ZFPM2: variants seen among roughly 807,000 people sequenced by gnomAD.
ZFPM2 encodes the protein zinc finger protein, FOG family member 2, also known as zinc finger protein ZFPM2.
ZFPM2 carries 20 observed loss-of-function variants against 98.6 expected under a neutral mutation model. The observed-to-expected ratio is 0.20, with a 90% CI of 0.14 to 0.29. The LOEUF is 0.29. ZFPM2 is among the 10% of genes least tolerant of loss of function. ZFPM2 has a pLI of 1.00. For missense variants in ZFPM2, 1,310 were observed against 1,388.6 expected (o/e 0.94, Z 0.90); for synonymous variants, 518 against 502.7 (o/e 1.03, Z -0.41).
chr8:105,803,669 C>A lies in ZFPM2; in HGVS notation c.*131C>A. ...TAATTCATTATGGCTGAGTTGAAGA[C>A]TTAAGGTGTAATTTCATTACAGTCC... On this transcript the variant is annotated 3_prime_UTR_variant, in exon 8 of 8. Coordinates refer to ENST00000407775, the MANE Select transcript of ZFPM2 (RefSeq NM_012082.4). The A allele has an allele frequency of 1.1e-6, 1 of 890,220 alleles. No homozygotes were observed. Among genetic ancestry groups the A allele is most frequent in the Non-Finnish European group, 1.7e-6 (1 of 584,812 alleles). 55.1% of individuals were successfully genotyped at this position (890,220 alleles called of 1,614,324 possible).
chr8:105,696,930 T>C (rs1408208575), intron 5 of ZFPM2, among the ~76,000 whole-genome samples: 1 of 152,182 alleles, frequency 6.6e-6, no homozygotes, highest in African/African-American at 2.4e-5. Flanking sequence ...GGGGTATCGG[T>C]GACCCCTGAT....
intron 1 of ZFPM2, among the ~76,000 whole-genome samples, chr8:105,363,344 T>G (rs1307533682): frequency 2.0e-5 from 3 of 152,186 alleles, no homozygotes. Flanking sequence ...ACAAGATCAT[T>G]TGCTATGTGA....
intron 3 of ZFPM2, among the ~76,000 whole-genome samples, chr8:105,495,635 C>T (rs1221171012): frequency 6.6e-6 from 1 of 152,156 alleles, no homozygotes; most frequent in Non-Finnish European, 1.5e-5. Flanking sequence ...ATCTCTACTT[C>T]CTCTCAGTCT....
chr8:105,626,617 T>C (rs942871641), intron 4 of ZFPM2, among the ~76,000 whole-genome samples: 2 of 152,142 alleles, frequency 1.3e-5, no homozygotes, highest in African/African-American at 4.8e-5. Context: ...TGTGTGTGTA[T>C]GTGTATGTGT....
chr8:105,556,034 G>C (rs145000184), intron 3 of ZFPM2, among the ~76,000 whole-genome samples: 1 of 152,144 alleles, frequency 6.6e-6, no homozygotes, highest in South Asian at 2.1e-4. Flanking sequence ...AGGCAGATAT[G>C]TTCAATTTGG....
chr8:105,505,130 T>C (rs1427907303), intron 3 of ZFPM2, among the ~76,000 whole-genome samples: 2 of 152,114 alleles, frequency 1.3e-5, no homozygotes, highest in African/African-American at 4.8e-5. Flanking sequence ...TTACTTCAGT[T>C]CTCTGAGCCT....
intron 3 of ZFPM2, among the ~76,000 whole-genome samples, chr8:105,482,285 C>T (rs1346016095): frequency 6.6e-6 from 1 of 152,076 alleles, no homozygotes; most frequent in Non-Finnish European, 1.5e-5. Context: ...ATTCTGTTTA[C>T]TCTGATATAG....
intron 3 of ZFPM2, among the ~76,000 whole-genome samples, chr8:105,524,631 C>T (rs1361544139): frequency 1.3e-5 from 2 of 152,076 alleles, no homozygotes; most frequent in African/African-American, 2.4e-5. Flanking sequence ...GCCTTTGGTG[C>T]GGAACAGGAT....
At position 105,398,240 on chromosome 8, in the gene ZFPM2, TGTTA is replaced by T. The variant is rs529878464; in HGVS notation, c.41-20900_41-20897del. Among the ~76,000 whole-genome samples, 384 of 152,300 alleles carry T rather than the reference TGTTA, an allele frequency of 2.5e-3. 1 individual carries two copies. Among genetic ancestry groups the T allele is most frequent in the African/African-American group, 8.8e-3 (364 of 41,574 alleles). On this transcript the variant is annotated intron_variant, in intron 1 of 7. Coordinates refer to ENST00000407775, the MANE Select transcript of ZFPM2 (RefSeq NM_012082.4). ...AGAACTGACTACATAAGGATCATAT[TGTTA>T]GTTTTTCATTTAATATATATTGAAC...
At position 105,565,029 on chromosome 8, in the gene ZFPM2, G is replaced by A. The variant is rs1004239173; in HGVS notation, c.420+3548G>A. On this transcript the variant is annotated intron_variant, in intron 4 of 7. Coordinates refer to ENST00000407775, the MANE Select transcript of ZFPM2 (RefSeq NM_012082.4). Reference sequence around the variant, plus strand: ...GCGCACTCTCTTAAATTGCTTATTCGCCAACTGATGTAATGTTACTCTGCT... The same window carrying A: ...GCGCACTCTCTTAAATTGCTTATTCACCAACTGATGTAATGTTACTCTGCT... 3.3e-5 allele frequency among the ~76,000 whole-genome samples: 5 copies of A among 151,958 alleles called. 1 individual carries two copies. The highest frequency in any genetic ancestry group is 4.2e-4 in the South Asian group (2 of 4,796).
At chr8:105,563,184 T>G (rs1021787566) in intron 4 of ZFPM2, among the ~76,000 whole-genome samples, 2 of 152,198 alleles carry the variant, frequency 1.3e-5, no homozygotes, top group African/African-American at 4.8e-5. Flanking sequence ...ACATTCCTTT[T>G]TTGATTTATT....
chr8:105,741,578 G>A (rs1162460736), intron 5 of ZFPM2, among the ~76,000 whole-genome samples: 3 of 152,074 alleles, frequency 2.0e-5, no homozygotes, highest in Admixed American at 1.3e-4. Flanking sequence ...ATGGACACAG[G>A]CACATGTGTT....
intron 1 of ZFPM2, among the ~76,000 whole-genome samples, chr8:105,390,222 C>G (rs1468982203): frequency 6.6e-6 from 1 of 152,136 alleles, no homozygotes; most frequent in African/African-American, 2.4e-5. Flanking sequence ...GCACTTCTGA[C>G]TAACAGGCTA....
At chr8:105,795,246 T>TCTTTG (rs1554582313) in intron 6 of ZFPM2, among the ~76,000 whole-genome samples, 38 of 138,226 alleles carry the variant, frequency 2.7e-4, no homozygotes, top group Admixed American at 2.7e-3. Flanking sequence ...CATTTTATCT[T>TCTTTG]TGTGTGTGTG....
chr8:105,405,526 A>G (rs1811431778), intron 1 of ZFPM2, among the ~76,000 whole-genome samples: 1 of 148,496 alleles, frequency 6.7e-6, no homozygotes, highest in Admixed American at 7.0e-5. Context: ...GAGAACATGC[A>G]GTCTTTGGTT....
At chr8:105,412,530 G>C (rs1811597257) in intron 1 of ZFPM2, among the ~76,000 whole-genome samples, 1 of 151,452 alleles carries the variant, frequency 6.6e-6, no homozygotes, top group Non-Finnish European at 1.5e-5. Flanking sequence ...GCTACCTGCA[G>C]GCAACAAATG....
intron 2 of ZFPM2, among the ~76,000 whole-genome samples, chr8:105,424,700 A>G (rs1222677408): frequency 1.3e-5 from 2 of 152,248 alleles, no homozygotes; most frequent in East Asian, 3.8e-4. Context: ...CAGATACTTA[A>G]TAGGACTGGC....
chr8:105,661,718 C>T (rs575114169), intron 5 of ZFPM2, among the ~76,000 whole-genome samples: 1 of 151,658 alleles, frequency 6.6e-6, no homozygotes, highest in African/African-American at 2.4e-5. Flanking sequence ...AAAGTTGTGT[C>T]AACGGGAGAC....
At position 105,446,234 on chromosome 8, in the gene ZFPM2, A is replaced by G. The variant is rs1812367651; in HGVS notation, c.301+1853A>G. Among the ~76,000 whole-genome samples the G allele has an allele frequency of 2.6e-5, 4 of 152,240 alleles. No homozygotes were observed. In the South Asian group the frequency reaches 8.3e-4, roughly 32 times the overall value. ...CGTGCCCGGCGATAGTTCCTTATTC[A>G]TAGAATTAAGTATGTATATGTTAAT... On this transcript the variant is annotated intron_variant, in intron 3 of 7. Transcript: ENST00000407775.
Sources: allele counts gnomAD v4.1 joint callset (sites outside exome capture counted in the v4.1 genomes callset), GRCh38; gene constraint gnomAD v4.1.1; transcripts MANE v1.5; gene names NCBI Gene and HGNC (gene_info 2026-07-23, HGNC 2026-07-21).